Variants in LETM1 observed in about 807,000 individuals in gnomAD.
LETM1 encodes the protein leucine zipper and EF-hand containing transmembrane protein 1, also known as mitochondrial proton/calcium exchanger protein.
Under a neutral mutation model 74.5 loss-of-function variants are expected in LETM1, and 50 were observed. The ratio of observed to expected loss-of-function variants is 0.67; its 90% CI spans 0.53 to 0.85. The LOEUF is 0.85. LETM1 is among the 40% of genes least tolerant of loss of function. The pLI, the probability that LETM1 is intolerant of heterozygous loss-of-function variation, is 0.00. For missense variants in LETM1, 824 were observed against 967.8 expected (o/e 0.85, Z 1.97); for synonymous variants, 446 against 407.1 (o/e 1.10, Z -1.15).
At position 1,836,582 on chromosome 4, in the gene LETM1, G is replaced by A. The variant is rs11933185; in HGVS notation, c.595-10C>T. 9,202 of 1,613,530 alleles carry A rather than the reference G, an allele frequency of 5.7e-3. 440 individuals carry two copies. The African/African-American group carries it at 0.11, about 19-fold the overall frequency. On this transcript the variant is annotated splice_polypyrimidine_tract_variant and intron_variant, in intron 3 of 13. Transcript: ENST00000302787. The surrounding 1 kb of genome is among the most constrained non-coding windows in gnomAD (Gnocchi z 5.8). ...CGCAGATCCGGAGAAACTGGAAGGG[G>A]CGGAATCCATCAGAGGGGAGCAGAG...
chr4:1,814,704 C>T lies in LETM1; in HGVS notation c.2071-131G>A. ...ATGCACGCAATCACTGCCTGCGGGC[C>T]CCAGGGTCCTCAGAGCACCAATTCC... On this transcript the variant is annotated intron_variant, in intron 13 of 13. Coordinates refer to ENST00000302787, the MANE Select transcript of LETM1 (RefSeq NM_012318.3). The T allele has an allele frequency of 4.1e-6, 3 of 723,484 alleles. No individual in the cohort carries two copies. In the South Asian group the frequency reaches 5.0e-5, roughly 12 times the overall value. 44.8% of individuals were successfully genotyped at this position (723,484 alleles called of 1,614,324 possible).
intron 2 of LETM1, chr4:1,846,374 C>A (rs1269627751): frequency 6.6e-6 from 1 of 152,164 alleles, no homozygotes; most frequent in African/African-American, 2.4e-5. Context: ...TCAAGCAATT[C>A]TCCTGCCTCA....
Position 1,832,927 on chromosome 4 carries a change from C to A in LETM1, c.897G>T (p.Arg299Ser). 6.2e-7 allele frequency: 1 copy of A among 1,612,284 alleles called. No individual in the cohort carries two copies. The highest frequency in any genetic ancestry group is 8.5e-7 in the Non-Finnish European group (1 of 1,179,956). ...AACGCATGATTTCCTCATTGCTGGG[C>A]CTCTCCCCTGTTTCCCGGATCTGCG... is the stretch of plus-strand genomic sequence containing the variant. ...FFQKIRETGE[R>S]PSNEEIMRFS... is the part of the protein sequence containing the mutation. Residue 299 changes from arginine to serine, a missense_variant, in exon 6 of 14, where the codon AGG (arginine) becomes AGT (serine). Transcript: ENST00000302787.
At chr4:1,828,763 C>T (rs1440081909) in intron 6 of LETM1, among the ~76,000 whole-genome samples, 3 of 142,348 alleles carry the variant, frequency 2.1e-5, no homozygotes, top group Non-Finnish European at 4.6e-5. Context: ...GGCGGCCGGG[C>T]AGAGGCGCCC....
intron 12 of LETM1, 54 bp from the exon 13 acceptor site, chr4:1,815,856 C>A: frequency 6.3e-7 from 1 of 1,599,590 alleles, no homozygotes; most frequent in South Asian, 1.1e-5. Context: ...CCACACAGGG[C>A]CTCACTGCCC....
Position 1,815,788 on chromosome 4 carries a change from C to T in LETM1, c.1946G>A (p.Ser649Asn). 1.9e-6 allele frequency: 3 copies of T among 1,614,112 alleles called. No homozygotes were observed. ...CATGGCGTTGATGAGCTCAGCGACA[C>T]TGATGACGTTCTCCCTGTGGAAGCA... is the stretch of plus-strand genomic sequence containing the variant. ...NGMPTGENVI[S>N]VAELINAMKQ... Residue 649 changes from serine (S) to asparagine (N), a missense_variant, in exon 13 of 14, where the codon AGT (serine) becomes AAT (asparagine). By Grantham distance (46) the Ser-to-Asn change is conservative. Transcript: ENST00000302787.
chr4:1,855,267 C>A (rs1290775298), intron 1 of LETM1, among the ~76,000 whole-genome samples: 1 of 152,232 alleles, frequency 6.6e-6, no homozygotes, highest in South Asian at 2.1e-4. Flanking sequence ...TGGGCACACC[C>A]TGGGACAGCA....
In LETM1 at chr4:1,813,033, C is replaced by G. The variant is rs1328561724; in HGVS notation, c.*1391G>C. ...ACAAACGAACACCAGGCTACTTACACAGGGTGAGAGAATTCATAAATATTA... is the reference window on the plus strand; with the variant it reads ...ACAAACGAACACCAGGCTACTTACAGAGGGTGAGAGAATTCATAAATATTA... On this transcript the variant is annotated 3_prime_UTR_variant, in exon 14 of 14. Coordinates refer to ENST00000302787, the MANE Select transcript of LETM1 (RefSeq NM_012318.3). 6.6e-6 allele frequency: 1 copy of G among 152,390 alleles called. No homozygotes were observed. Among genetic ancestry groups the G allele is most frequent in the Non-Finnish European group, 1.5e-5 (1 of 68,054 alleles). The allele number at this position is 152,390 out of a possible 1,614,324, so 9.4% of individuals were successfully genotyped here. A position where few individuals can be genotyped will look rare whatever the true frequency, so the allele number is the denominator to read the frequency against.
At chr4:1,852,293 G>A (rs1713094309) in intron 1 of LETM1, among the ~76,000 whole-genome samples, 1 of 152,194 alleles carries the variant, frequency 6.6e-6, no homozygotes, top group Admixed American at 6.5e-5. Context: ...TACTGTCACA[G>A]TTTATTATAA....
At chr4:1,852,306 G>A (rs1713095084) in intron 1 of LETM1, among the ~76,000 whole-genome samples, 1 of 152,128 alleles carries the variant, frequency 6.6e-6, no homozygotes, top group South Asian at 2.1e-4. Flanking sequence ...TATTATAAAG[G>A]GTACCTGGTA....
At chr4:1,827,271 G>GTT (rs1282991357) in intron 6 of LETM1, among the ~76,000 whole-genome samples, 1 of 135,192 alleles carries the variant, frequency 7.4e-6, no homozygotes, top group Non-Finnish European at 1.6e-5. Context: ...TGGATTGACA[G>GTT]TTCTTTTTTT....
intron 2 of LETM1, among the ~76,000 whole-genome samples, chr4:1,847,824 CAA>C (rs778839346): frequency 1.9e-4 from 8 of 41,936 alleles, no homozygotes; most frequent in South Asian, 7.8e-4. Flanking sequence ...AACTCGGTCT[CAA>C]AAAAAAAAAA....
At chr4:1,829,017 C>T (rs1379240634) in intron 6 of LETM1, among the ~76,000 whole-genome samples, 10 of 93,434 alleles carry the variant, frequency 1.1e-4, no homozygotes, top group Admixed American at 2.9e-4. Flanking sequence ...CCCTCCCGGA[C>T]GGGGCGGCTG....
At chr4:1,840,297 A>G (rs1712641253) in intron 3 of LETM1, among the ~76,000 whole-genome samples, 1 of 151,950 alleles carries the variant, frequency 6.6e-6, no homozygotes, top group African/African-American at 2.4e-5. Flanking sequence ...GAATCACTTG[A>G]ACCCAGGAGG....
intron 3 of LETM1, chr4:1,839,454 G>C (rs550139040): frequency 2.0e-5 from 3 of 152,330 alleles, no homozygotes; most frequent in African/African-American, 4.8e-5. Context: ...TGAAGGCATC[G>C]AGAGTGGGTG....
chr4:1,823,116 C>A lies in LETM1; in HGVS notation c.1348G>T (p.Val450Leu), dbSNP rs961295904. 1 of 1,597,548 alleles carries A rather than the reference C, an allele frequency of 6.3e-7. No homozygotes were observed. The highest frequency in any genetic ancestry group is 8.5e-7 in the Non-Finnish European group (1 of 1,170,784). ...TCGCCCTCCACCTCGGCCACTTTCA[C>A]CTGTGCTTCCTTTGCCTTCAGAAGA... ...LPEIVAKEAQ[V>L]KVAEVEGEQV... Residue 450 changes from valine to leucine, a missense_variant, in exon 9 of 14, where the codon GTG becomes TTG. Val to Leu is a conservative substitution (Grantham distance 32). Coordinates refer to ENST00000302787, the MANE Select transcript of LETM1 (RefSeq NM_012318.3).
chr4:1,819,207 G>A (rs1187922979), intron 11 of LETM1, 131 bp downstream of exon 11: 2 of 886,620 alleles, frequency 2.3e-6, no homozygotes, highest in African/African-American at 3.4e-5. Flanking sequence ...TTTATAACGT[G>A]CTTTCCTCTC....
intron 13 of LETM1, among the ~76,000 whole-genome samples, chr4:1,815,424 C>T (rs933577578): frequency 1.3e-5 from 2 of 152,236 alleles, no homozygotes; most frequent in African/African-American, 2.4e-5. Context: ...CAGGGACATG[C>T]GTAGCCACTA....
Position 1,856,042 on chromosome 4 carries a change from C to T in LETM1, c.-92G>A. The stretch of plus-strand genomic sequence containing the variant: ...TCGCCGTCCCGGCGGCGCTTCAGAC[C>T]CGGCCCGCGCGGACGGCTGACAGAG... On this transcript the variant is annotated 5_prime_UTR_variant, in exon 1 of 14. Coordinates refer to ENST00000302787, the MANE Select transcript of LETM1 (RefSeq NM_012318.3). 1.3e-6 allele frequency: 1 copy of T among 799,774 alleles called. No homozygotes were observed. The highest frequency in any genetic ancestry group is 1.7e-6 in the Non-Finnish European group (1 of 605,762). The allele number at this position is 799,774 out of a possible 1,614,324, so 49.5% of individuals were successfully genotyped here. A position where few individuals can be genotyped will look rare whatever the true frequency, so the allele number is the denominator to read the frequency against.
Sources: allele counts gnomAD v4.1 joint callset (sites outside exome capture counted in the v4.1 genomes callset), GRCh38; gene constraint gnomAD v4.1.1; non-coding constraint Gnocchi (gnomAD v3.1); transcripts MANE v1.5; gene names NCBI Gene and HGNC (gene_info 2026-07-23, HGNC 2026-07-21).